Variants in LIMCH1 observed in about 807,000 individuals in gnomAD.
LIMCH1 encodes LIM and calponin homology domains 1.
In LIMCH1, 113 loss-of-function variants were observed where a neutral mutation model predicts 176.5. The observed-to-expected ratio is 0.64, with a 90% confidence interval of 0.55 to 0.75. The LOEUF (loss-of-function observed/expected upper bound fraction) is 0.75, where lower values mean the gene tolerates loss of function less well. Among genes scored for constraint, LIMCH1 ranks in the 30% least tolerant of loss-of-function variants. LIMCH1 has a pLI of 0.00. For missense variants in LIMCH1, 1,674 were observed against 1,814.9 expected (o/e 0.92, Z 1.41); for synonymous variants, 619 against 645.9 (o/e 0.96, Z 0.63).
intron 1 of LIMCH1, among the ~76,000 whole-genome samples, chr4:41,551,795 C>CA (rs1427148834): frequency 1.3e-5 from 2 of 152,140 alleles, no homozygotes; most frequent in Non-Finnish European, 2.9e-5. Flanking sequence ...TTTCATACCA[C>CA]AGTGGCAGAG....
At chr4:41,581,108 G>GTCTATCTATCTATCTATCTA (rs1329265925) in intron 1 of LIMCH1, among the ~76,000 whole-genome samples, 181 of 128,798 alleles carry the variant, frequency 1.4e-3, no homozygotes, top group African/African-American at 5.9e-3. Context: ...TCATCTGTCT[G>GTCTATCTATCTATCTATCTA]TCTGTCTATC....
chr4:41,564,981 A>G (rs2152564945), intron 1 of LIMCH1, among the ~76,000 whole-genome samples: 1 of 152,338 alleles, frequency 6.6e-6, no homozygotes, highest in Non-Finnish European at 1.5e-5. Flanking sequence ...ACAGCCCTAC[A>G]GAACTGTAAG....
chr4:41,465,816 T>G (rs2066019304), intron 1 of LIMCH1, among the ~76,000 whole-genome samples: 1 of 152,194 alleles, frequency 6.6e-6, no homozygotes, highest in African/African-American at 2.4e-5. Flanking sequence ...ACTGCCTGAT[T>G]TTACAAATAA....
At chr4:41,480,219 C>T (rs62411135) in intron 1 of LIMCH1, among the ~76,000 whole-genome samples, 12 of 152,158 alleles carry the variant, frequency 7.9e-5, no homozygotes, top group Non-Finnish European at 1.8e-4. Flanking sequence ...TTCCCAAGTG[C>T]CAGACCTGGA....
intron 1 of LIMCH1, among the ~76,000 whole-genome samples, chr4:41,540,294 A>G (rs2078454393): frequency 6.6e-6 from 1 of 152,180 alleles, no homozygotes; most frequent in Non-Finnish European, 1.5e-5. Flanking sequence ...AAGAAGGAGA[A>G]AGAGGAGGAG....
chr4:41,551,204 A>T (rs372766757), intron 1 of LIMCH1: 1 of 152,198 alleles, frequency 6.6e-6, no homozygotes, highest in African/African-American at 2.4e-5. Flanking sequence ...AAGAATACAG[A>T]TGGACTGTGA....
At chr4:41,642,731 T>C (rs1162887807) in intron 14 of LIMCH1, among the ~76,000 whole-genome samples, 1 of 109,792 alleles carries the variant, frequency 9.1e-6, no homozygotes, top group Non-Finnish European at 1.9e-5. Flanking sequence ...ATTTTTTTTC[T>C]TTTTTCTTTT....
chr4:41,508,964 C>T (rs2074502726), intron 2 of LIMCH1, among the ~76,000 whole-genome samples: 1 of 152,176 alleles, frequency 6.6e-6, no homozygotes, highest in Non-Finnish European at 1.5e-5. Context: ...TTGTTAGAGA[C>T]CTTGTGTAAT....
intron 1 of LIMCH1, among the ~76,000 whole-genome samples, chr4:41,452,791 C>T (rs1261381924): frequency 1.3e-5 from 2 of 152,274 alleles, no homozygotes; most frequent in East Asian, 3.9e-4. Context: ...TTTTTGGGGT[C>T]CTCTGTTGTT....
At chr4:41,487,150 C>T (rs543154347) in intron 1 of LIMCH1, among the ~76,000 whole-genome samples, 8 of 152,214 alleles carry the variant, frequency 5.3e-5, no homozygotes, top group South Asian at 2.1e-4. Context: ...TGAGCCACCA[C>T]GCCCGGCCGA....
At chr4:41,458,006 G>T (rs573954928) in intron 1 of LIMCH1, among the ~76,000 whole-genome samples, 1 of 152,170 alleles carries the variant, frequency 6.6e-6, no homozygotes, top group African/African-American at 2.4e-5. Flanking sequence ...TAATAAGTAT[G>T]TTGATAAGAT....
Position 41,687,930 on chromosome 4 carries a change from A to T in LIMCH1, c.4166+13A>T. On this transcript the variant is annotated intron_variant, in intron 29 of 31. Transcript: ENST00000503057. Reference sequence around the variant, plus strand: ...AGTCACCAAACAGGTACAAGAGGTCAGCAGGCCTTTCTGAGGCTGCTTTGT... The same window carrying T: ...AGTCACCAAACAGGTACAAGAGGTCTGCAGGCCTTTCTGAGGCTGCTTTGT... 1 of 1,608,584 alleles carries T rather than the reference A, an allele frequency of 6.2e-7. No homozygotes were observed. Among genetic ancestry groups the T allele is most frequent in the Non-Finnish European group, 8.5e-7 (1 of 1,175,300 alleles).
At chr4:41,520,493 T>G (rs150150017) in intron 2 of LIMCH1, among the ~76,000 whole-genome samples, 22 of 152,272 alleles carry the variant, frequency 1.4e-4, no homozygotes, top group African/African-American at 5.1e-4. Flanking sequence ...ATCTGAAATT[T>G]TCTTCTTATT....
chr4:41,534,928 A>C (rs13116760), upstream of LIMCH1, among the ~76,000 whole-genome samples: 11,116 of 152,102 alleles, frequency 0.073, 740 homozygotes, highest in African/African-American at 0.17. Flanking sequence ...TTGGGAGCCT[A>C]AGGCAGGTGA....
At chr4:41,476,121 G>A (rs764067697) in intron 1 of LIMCH1, among the ~76,000 whole-genome samples, 1 of 152,118 alleles carries the variant, frequency 6.6e-6, no homozygotes, top group Non-Finnish European at 1.5e-5. Context: ...CCAGACATGA[G>A]CTCTCACACC....
At chr4:41,461,425 T>C (rs2065356065) in intron 1 of LIMCH1, among the ~76,000 whole-genome samples, 1 of 152,222 alleles carries the variant, frequency 6.6e-6, no homozygotes, top group Non-Finnish European at 1.5e-5. Flanking sequence ...TTGCACACTT[T>C]CTATTGTCTT....
At chr4:41,431,250 C>T (rs1382606810) in intron 1 of LIMCH1, among the ~76,000 whole-genome samples, 2 of 151,872 alleles carry the variant, frequency 1.3e-5, no homozygotes, top group African/African-American at 4.9e-5. Context: ...TGAGACATAC[C>T]ACCTCCCCCT....
At chr4:41,387,566 T>C (rs184196430) in intron 1 of LIMCH1, among the ~76,000 whole-genome samples, 2 of 152,360 alleles carry the variant, frequency 1.3e-5, no homozygotes, top group East Asian at 3.9e-4. Flanking sequence ...TCCTTCAACC[T>C]AAAGGGTTAT....
intron 1 of LIMCH1, among the ~76,000 whole-genome samples, chr4:41,477,228 A>G (rs1269380381): frequency 6.6e-6 from 1 of 152,200 alleles, no homozygotes; most frequent in African/African-American, 2.4e-5. Flanking sequence ...TAATGCTTAT[A>G]TCCAGGCTCC....
Sources: gnomAD v4.1 joint callset for allele counts (sites outside exome capture counted in the v4.1 genomes callset) on GRCh38, gnomAD v4.1.1 for gene constraint, MANE v1.5 for transcripts, NCBI Gene and HGNC (gene_info 2026-07-23, HGNC 2026-07-21) for gene names.